Variants in FOXN3 observed in about 807,000 individuals in gnomAD.
FOXN3 encodes the protein forkhead box protein N3.
FOXN3 carries 7 observed loss-of-function variants against 38.4 expected under a neutral mutation model. That is an observed-to-expected ratio of 0.18 (90% CI 0.10 to 0.34). The LOEUF (loss-of-function observed/expected upper bound fraction) is 0.34, where lower values mean the gene tolerates loss of function less well. FOXN3 is among the 10% of genes least tolerant of loss of function. The pLI is 1.00. For missense variants in FOXN3, 456 were observed against 613.4 expected, an observed-to-expected ratio of 0.74 and a Z score of 2.71; for synonymous variants, 230 against 242.2, an observed-to-expected ratio of 0.95 and a Z score of 0.47.
intron 2 of FOXN3, among the ~76,000 whole-genome samples, chr14:89,407,632 G>A (rs1237088195): frequency 6.6e-6 from 1 of 151,948 alleles, no homozygotes; most frequent in Non-Finnish European, 1.5e-5. Context: ...AGGAATTTGG[G>A]ACCAGCCAGG....
intron 1 of FOXN3, among the ~76,000 whole-genome samples, chr14:89,516,777 G>C (rs1894213681): frequency 6.6e-6 from 1 of 152,012 alleles, no homozygotes; most frequent in African/African-American, 2.4e-5. Flanking sequence ...TGCCCAGGCT[G>C]GTCTCAAACT....
intron 4 of FOXN3, among the ~76,000 whole-genome samples, chr14:89,276,575 G>C (rs1272900066): frequency 6.6e-6 from 1 of 152,178 alleles, no homozygotes; most frequent in Non-Finnish European, 1.5e-5. Context: ...AGGACTCGTG[G>C]TCTGACCACA....
chr14:89,519,991 T>G (rs1200406289), intron 1 of FOXN3, among the ~76,000 whole-genome samples: 1 of 151,000 alleles, frequency 6.6e-6, no homozygotes, highest in African/African-American at 2.4e-5. Context: ...AATGTCTGGG[T>G]TTTTCTTTTC....
chr14:89,291,144 T>C (rs945573606), intron 3 of FOXN3: 16 of 505,996 alleles, frequency 3.2e-5, no homozygotes, highest in African/African-American at 2.0e-4. Flanking sequence ...ACACATCTCG[T>C]TGACGTAAGT....
At chr14:89,182,033 T>C (rs951146418) in intron 4 of FOXN3, among the ~76,000 whole-genome samples, 1 of 152,122 alleles carries the variant, frequency 6.6e-6, no homozygotes, top group African/African-American at 2.4e-5. Flanking sequence ...CAGTCTCAGA[T>C]AGTGGCAAGG....
intron 5 of FOXN3, among the ~76,000 whole-genome samples, chr14:89,178,332 T>C (rs1167797278): frequency 6.6e-6 from 1 of 152,190 alleles, no homozygotes; most frequent in Non-Finnish European, 1.5e-5. Flanking sequence ...AAACTTTTTG[T>C]AGAGCTGGGA....
intron 4 of FOXN3, among the ~76,000 whole-genome samples, chr14:89,229,988 TGA>T (rs1360595240): frequency 6.6e-6 from 1 of 152,094 alleles, no homozygotes; most frequent in East Asian, 1.9e-4. Context: ...AGCTCTGCAG[TGA>T]GAGACAGGGT....
chr14:89,405,448 T>C (rs1408020954), intron 2 of FOXN3, among the ~76,000 whole-genome samples: 2 of 152,152 alleles, frequency 1.3e-5, no homozygotes, highest in Non-Finnish European at 2.9e-5. Context: ...GACCTCATTT[T>C]CAAAACTGCC....
At chr14:89,302,099 T>C (rs1286619441) in intron 3 of FOXN3, among the ~76,000 whole-genome samples, 1 of 152,240 alleles carries the variant, frequency 6.6e-6, no homozygotes, top group East Asian at 1.9e-4. Flanking sequence ...GCGTTGGTTT[T>C]CTTCCACCAT....
chr14:89,236,081 T>C (rs1295205276), intron 4 of FOXN3, among the ~76,000 whole-genome samples: 2 of 152,206 alleles, frequency 1.3e-5, no homozygotes, highest in African/African-American at 4.8e-5. Flanking sequence ...CTTTGCTCTA[T>C]GAAAAATACA....
At chr14:89,272,455 T>A (rs1335497014) in intron 4 of FOXN3, among the ~76,000 whole-genome samples, 1 of 152,004 alleles carries the variant, frequency 6.6e-6, no homozygotes, top group African/African-American at 2.4e-5. Flanking sequence ...AAATTAGGAG[T>A]AATTATATCT....
intron 1 of FOXN3, among the ~76,000 whole-genome samples, chr14:89,516,780 C>T (rs1332877536): frequency 6.6e-6 from 1 of 152,072 alleles, no homozygotes; most frequent in Non-Finnish European, 1.5e-5. Context: ...CCAGGCTGGT[C>T]TCAAACTCCC....
chr14:89,364,978 T>G (rs1890094515), intron 2 of FOXN3, among the ~76,000 whole-genome samples: 1 of 152,184 alleles, frequency 6.6e-6, no homozygotes, highest in African/African-American at 2.4e-5. Flanking sequence ...TCTGCTTGCA[T>G]CAACACCTAA....
intron 4 of FOXN3, among the ~76,000 whole-genome samples, chr14:89,190,921 G>A (rs1010326238): frequency 1.3e-5 from 2 of 152,122 alleles, no homozygotes; most frequent in African/African-American, 4.8e-5. Context: ...TTTGTCAGCA[G>A]AATGTAAATT....
intron 1 of FOXN3, among the ~76,000 whole-genome samples, chr14:89,455,471 C>G (rs1401589458): frequency 6.6e-6 from 1 of 152,166 alleles, no homozygotes; most frequent in Non-Finnish European, 1.5e-5. Context: ...TGGGTGGGGG[C>G]AGAGATGTTA....
Position 89,190,546 on chromosome 14 carries a change from GA to G in FOXN3, c.746-9741del, listed in dbSNP as rs921856135. 3,343 of 831,076 alleles carry G rather than the reference GA, an allele frequency of 4.0e-3. 9 individuals carry two copies. The highest frequency in any genetic ancestry group is 0.015 in the African/African-American group (852 of 55,562). The allele number at this position is 831,076 out of a possible 1,614,324, so 51.5% of individuals were successfully genotyped here. A position where few individuals can be genotyped will look rare whatever the true frequency, so the allele number is the denominator to read the frequency against. Reference sequence around the variant, plus strand: ...AGTTACAGTTTATGAATGCAACAGAGAAAAAAAAAATATCCAGCAACTGGAT... The same window carrying G: ...AGTTACAGTTTATGAATGCAACAGAGAAAAAAAAATATCCAGCAACTGGAT... On this transcript the variant is annotated intron_variant, in intron 4 of 5. Transcript: ENST00000557258.
chr14:89,383,981 T>C (rs565369252), intron 2 of FOXN3, among the ~76,000 whole-genome samples: 1 of 152,084 alleles, frequency 6.6e-6, no homozygotes, highest in African/African-American at 2.4e-5. Flanking sequence ...TTTAAAATAA[T>C]TAGGTCACTA....
chr14:89,297,954 T>C (rs545541098), intron 3 of FOXN3, among the ~76,000 whole-genome samples: 1 of 152,228 alleles, frequency 6.6e-6, no homozygotes, highest in East Asian at 1.9e-4. Flanking sequence ...TACTGCACTC[T>C]GGCCTGGGTG....
At chr14:89,540,333 A>G (rs1219195856) in intron 1 of FOXN3, among the ~76,000 whole-genome samples, 1 of 152,236 alleles carries the variant, frequency 6.6e-6, no homozygotes, top group East Asian at 1.9e-4. Context: ...TCTAAAAGGC[A>G]TGCTTAACAT....
Sources: gnomAD v4.1 joint callset for allele counts (sites outside exome capture counted in the v4.1 genomes callset) on GRCh38, gnomAD v4.1.1 for gene constraint, MANE v1.5 for transcripts, NCBI Gene and HGNC (gene_info 2026-07-23, HGNC 2026-07-21) for gene names.